Variants in GADL1 observed in about 807,000 individuals in gnomAD.
GADL1 encodes the protein acidic amino acid decarboxylase GADL1.
A neutral mutation model predicts 69.5 loss-of-function variants in GADL1; 71 were observed. That is an observed-to-expected ratio of 1.02 (90% CI 0.84 to 1.25). GADL1 has a LOEUF of 1.25. Among genes scored for constraint, GADL1 ranks in the 50% most tolerant of loss-of-function variants. The probability of loss-of-function intolerance (pLI) is 0.00; values close to 1 mark genes in which losing one functional copy is unlikely to be tolerated. For missense variants in GADL1, 737 were observed against 631.8 expected (o/e 1.17, Z -1.79); for synonymous variants, 254 against 214.4 (o/e 1.18, Z -1.62).
At chr3:30,861,276 C>G (rs1420387047) in intron 2 of GADL1, among the ~76,000 whole-genome samples, 3 of 151,326 alleles carry the variant, frequency 2.0e-5, no homozygotes, top group Non-Finnish European at 4.4e-5. Flanking sequence ...GTGAGATTAG[C>G]AGGTTACTTA....
At position 30,729,471 on chromosome 3, in the gene GADL1, T is replaced by C. The variant is rs571623800; in HGVS notation, c.1393-1056A>G. Among the ~76,000 whole-genome samples, 9 of 152,294 alleles carry C rather than the reference T, an allele frequency of 5.9e-5. No individual in the cohort carries two copies. The South Asian group carries it at 1.7e-3, about 28-fold the overall frequency. Reference sequence around the variant, plus strand: ...GCCTTCTCAGGAAGATGAGACTTACTCCTCCAGAAGGGAGGAGTACATATA... The same window carrying C: ...GCCTTCTCAGGAAGATGAGACTTACCCCTCCAGAAGGGAGGAGTACATATA... On this transcript the variant is annotated intron_variant, in intron 14 of 14. Coordinates refer to ENST00000282538, the MANE Select transcript of GADL1 (RefSeq NM_207359.3).
chr3:30,837,183 C>T (rs1316326039), intron 9 of GADL1, among the ~76,000 whole-genome samples: 1 of 151,902 alleles, frequency 6.6e-6, no homozygotes, highest in Non-Finnish European at 1.5e-5. Context: ...TTGAAAGAAG[C>T]TTTAAAATAC....
At chr3:30,811,622 T>A (rs1697356664) in intron 11 of GADL1, among the ~76,000 whole-genome samples, 2 of 152,226 alleles carry the variant, frequency 1.3e-5, no homozygotes, top group South Asian at 4.1e-4. Context: ...AAAAATTTCA[T>A]GGAATAGTAC....
Position 30,753,858 on chromosome 3 carries a change from A to T in GADL1, c.1392+24321T>A, listed in dbSNP as rs138019347. On this transcript the variant is annotated intron_variant, in intron 14 of 14. Transcript: ENST00000282538. Reference sequence around the variant, plus strand: ...TACACTTAAATCTCTGAGGCTCCTCACTCAACTTTTGTTTTAGTGGACCCT... The same window carrying T: ...TACACTTAAATCTCTGAGGCTCCTCTCTCAACTTTTGTTTTAGTGGACCCT... Among the ~76,000 whole-genome samples, 127 of 152,312 alleles carry T rather than the reference A, an allele frequency of 8.3e-4. 2 individuals carry two copies. Among genetic ancestry groups the T allele is most frequent in the African/African-American group, 2.9e-3 (120 of 41,568 alleles).
At chr3:30,826,481 T>A (rs573442501) in intron 11 of GADL1, among the ~76,000 whole-genome samples, 9 of 151,892 alleles carry the variant, frequency 5.9e-5, no homozygotes, top group Non-Finnish European at 1.0e-4. Flanking sequence ...GCAGAAAATA[T>A]AAAATCCAAT....
intron 11 of GADL1, among the ~76,000 whole-genome samples, chr3:30,830,441 T>C (rs917927805): frequency 3.9e-5 from 6 of 152,108 alleles, no homozygotes; most frequent in African/African-American, 1.4e-4. Flanking sequence ...CCTTGCAAAT[T>C]GGGGTAAGGA....
At chr3:30,798,583 G>T (rs903975882) in intron 12 of GADL1, 1 of 152,142 alleles carries the variant, frequency 6.6e-6, no homozygotes, top group Non-Finnish European at 1.5e-5. Context: ...AGGACACAGA[G>T]CCAAACTATG....
At chr3:30,785,121 C>T (rs868526597) in intron 13 of GADL1, among the ~76,000 whole-genome samples, 2 of 152,082 alleles carry the variant, frequency 1.3e-5, no homozygotes, top group Non-Finnish European at 2.9e-5. Context: ...ACTTTTCCCC[C>T]CAGTACAGTA....
intron 1 of GADL1, among the ~76,000 whole-genome samples, chr3:30,872,258 A>C (rs1465941724): frequency 6.6e-6 from 1 of 151,906 alleles, no homozygotes; most frequent in Non-Finnish European, 1.5e-5. Context: ...ACTCGATCAT[A>C]TCCTTTAATG....
chr3:30,891,765 T>C (rs1046832577), intron 1 of GADL1, among the ~76,000 whole-genome samples: 5 of 152,096 alleles, frequency 3.3e-5, no homozygotes, highest in Non-Finnish European at 7.4e-5. Context: ...ATGCACCCAG[T>C]GATGAATTTT....
intron 14 of GADL1, among the ~76,000 whole-genome samples, chr3:30,738,900 G>A (rs897408841): frequency 7.2e-5 from 11 of 152,222 alleles, no homozygotes; most frequent in African/African-American, 2.6e-4. Context: ...TTTTCTCAGG[G>A]CAACTTTCTC....
intron 11 of GADL1, among the ~76,000 whole-genome samples, chr3:30,831,372 TGA>T (rs1697789665): frequency 6.6e-6 from 1 of 151,982 alleles, no homozygotes; most frequent in Non-Finnish European, 1.5e-5. Context: ...TCCTTCCACC[TGA>T]GACATCACCT....
At chr3:30,796,877 A>G (rs1575209821) in intron 12 of GADL1, among the ~76,000 whole-genome samples, 1 of 152,254 alleles carries the variant, frequency 6.6e-6, no homozygotes, top group Middle Eastern at 3.4e-3. Flanking sequence ...CATACCCATA[A>G]TCACCAGAAT....
At chr3:30,766,534 T>C (rs574092226) in intron 14 of GADL1, among the ~76,000 whole-genome samples, 1 of 150,690 alleles carries the variant, frequency 6.6e-6, no homozygotes, top group South Asian at 2.1e-4. Flanking sequence ...TCCCTGAAAA[T>C]CCATAACATA....
chr3:30,858,751 G>T (rs551396173), intron 2 of GADL1, among the ~76,000 whole-genome samples: 54 of 151,966 alleles, frequency 3.6e-4, no homozygotes, highest in Non-Finnish European at 6.8e-4. Context: ...TGAGGACAGA[G>T]TTCCAGGGAG....
chr3:30,755,359 AGAT>A (rs1695943188), intron 14 of GADL1, among the ~76,000 whole-genome samples: 3 of 122,158 alleles, frequency 2.5e-5, no homozygotes, highest in African/African-American at 3.4e-5. Flanking sequence ...TCTTGGAAGA[AGAT>A]ACTATTACTA....
intron 14 of GADL1, among the ~76,000 whole-genome samples, chr3:30,734,126 T>A (rs1695507105): frequency 6.6e-6 from 1 of 152,214 alleles, no homozygotes; most frequent in Admixed American, 6.5e-5. Flanking sequence ...TTCTGGTATT[T>A]ATCTCCATAA....
intron 1 of GADL1, among the ~76,000 whole-genome samples, chr3:30,888,138 A>T (rs1051579754): frequency 4.6e-5 from 7 of 152,020 alleles, no homozygotes; most frequent in South Asian, 2.1e-4. Context: ...CTATTTTTTT[A>T]AAATATTTTC....
chr3:30,745,597 T>C (rs1265123114), intron 14 of GADL1, among the ~76,000 whole-genome samples: 1 of 152,192 alleles, frequency 6.6e-6, no homozygotes, highest in Non-Finnish European at 1.5e-5. Context: ...GACATCAAAT[T>C]TTCTTTCAGA....
Sources: gnomAD v4.1 joint callset for allele counts (sites outside exome capture counted in the v4.1 genomes callset) on GRCh38, gnomAD v4.1.1 for gene constraint, MANE v1.5 for transcripts, NCBI Gene and HGNC (gene_info 2026-07-23, HGNC 2026-07-21) for gene names.